MYT1: variants seen among roughly 807,000 people sequenced by gnomAD.
The protein encoded by MYT1 is myelin transcription factor 1.
In MYT1, 23 loss-of-function variants were observed where a neutral mutation model predicts 123.0. The ratio of observed to expected loss-of-function variants is 0.19; its 90% CI spans 0.13 to 0.26. The LOEUF (loss-of-function observed/expected upper bound fraction) is 0.26, where lower values mean the gene tolerates loss of function less well. Among genes scored for constraint, MYT1 ranks in the 10% least tolerant of loss-of-function variants. The probability of loss-of-function intolerance (pLI) is 1.00; values close to 1 mark genes in which losing one functional copy is unlikely to be tolerated. For synonymous variants in MYT1, 518 were observed against 575.3 expected (o/e 0.90, Z 1.43); for missense variants, 1,125 against 1,472.5 (o/e 0.76, Z 3.86).
chr20:64,172,420 T>TCCCTTC (rs1226142981), intron 1 of MYT1, among the ~76,000 whole-genome samples: 1 of 152,190 alleles, frequency 6.6e-6, no homozygotes, highest in African/African-American at 2.4e-5. Flanking sequence ...CTCTCCCTTC[T>TCCCTTC]GAACTGGGGA....
intron 1 of MYT1, among the ~76,000 whole-genome samples, chr20:64,165,382 G>A (rs865790967): frequency 6.6e-6 from 1 of 152,170 alleles, no homozygotes; most frequent in African/African-American, 2.4e-5. Context: ...GCTGTGGAGT[G>A]TGGTTGTTTA....
At chr20:64,170,807 G>A (rs574114467) in intron 1 of MYT1, among the ~76,000 whole-genome samples, 24 of 139,992 alleles carry the variant, frequency 1.7e-4, no homozygotes, top group African/African-American at 6.4e-4. Flanking sequence ...TTGGCTGTGA[G>A]GCATTCATTC....
intron 6 of MYT1, 41 bp downstream of exon 6, chr20:64,205,841 G>A (rs1983476676): frequency 6.2e-7 from 1 of 1,602,886 alleles, no homozygotes; most frequent in Non-Finnish European, 8.5e-7. Flanking sequence ...AGGGCGCTTA[G>A]TGTGGCCCTG....
chr20:64,234,525 G>C (rs908235958), intron 19 of MYT1, among the ~76,000 whole-genome samples: 4 of 152,242 alleles, frequency 2.6e-5, no homozygotes, highest in Non-Finnish European at 5.9e-5. Context: ...TTTGGCCATA[G>C]GGAGGCCCTC....
intron 1 of MYT1, among the ~76,000 whole-genome samples, chr20:64,170,656 T>A (rs1569303669): frequency 6.7e-6 from 1 of 149,878 alleles, no homozygotes; most frequent in Non-Finnish European, 1.5e-5. Context: ...CTTACAGTCA[T>A]TTTTTTTTAA....
intron 19 of MYT1, 25 bp from the exon 20 acceptor site, chr20:64,236,530 A>T: frequency 6.2e-7 from 1 of 1,601,914 alleles, no homozygotes; most frequent in Non-Finnish European, 8.5e-7. Flanking sequence ...TGGGCTGGTG[A>T]ATGATATGTG....
Position 64,190,389 on chromosome 20 carries a change from C to A in MYT1, c.-1+229C>A, listed in dbSNP as rs577178400. On this transcript the variant is annotated intron_variant, in intron 2 of 22. Coordinates refer to ENST00000328439, the MANE Select transcript of MYT1 (RefSeq NM_004535.3). The surrounding 1 kb of genome is among the most constrained non-coding windows in gnomAD (Gnocchi z 4.1). ...AGTAGATCAAAACTAAAATGTGACC[C>A]CAGGCTGGGCCCGGTGGCTCACACC... Among the ~76,000 whole-genome samples, 1 of 152,308 alleles carries A rather than the reference C, an allele frequency of 6.6e-6. No individual in the cohort carries two copies. Among genetic ancestry groups the A allele is most frequent in the South Asian group, 2.1e-4 (1 of 4,818 alleles).
In MYT1 at chr20:64,167,254, C is replaced by G. The variant is rs941663952; in HGVS notation, c.-99+2515C>G. Among the ~76,000 whole-genome samples, 1 of 152,178 alleles carries G rather than the reference C, an allele frequency of 6.6e-6. No homozygotes were observed. Among genetic ancestry groups the G allele is most frequent in the African/African-American group, 2.4e-5 (1 of 41,440 alleles). On this transcript the variant is annotated intron_variant, in intron 1 of 22. Transcript: ENST00000328439. The surrounding 1 kb of genome is among the most constrained non-coding windows in gnomAD (Gnocchi z 6.3). ...CAGAGAGAAACCCGGGGCCTCCAGC[C>G]GCTGCTCGGTGGCAGTGGGCGGGCT...
At chr20:64,188,227 T>G (rs1361871053) in intron 1 of MYT1, among the ~76,000 whole-genome samples, 1 of 152,192 alleles carries the variant, frequency 6.6e-6, no homozygotes, top group Non-Finnish European at 1.5e-5. Context: ...TCCACATGAC[T>G]TCTCTGAGAA....
intron 1 of MYT1, among the ~76,000 whole-genome samples, chr20:64,169,534 TCC>T (rs952683415): frequency 2.1e-4 from 32 of 152,258 alleles, no homozygotes; most frequent in African/African-American, 6.5e-4. Context: ...GCTCTGAGTT[TCC>T]CAGGATAACT....
intron 19 of MYT1, among the ~76,000 whole-genome samples, chr20:64,235,729 T>G (rs1165734033): frequency 6.8e-3 from 308 of 44,990 alleles, no homozygotes; most frequent in Middle Eastern, 0.018. Context: ...GGGTGACCCT[T>G]GGCTGGCTGT....
In MYT1 at chr20:64,208,803, G is replaced by A. The variant is rs1983579031; in HGVS notation, c.1291+316G>A. On this transcript the variant is annotated intron_variant, in intron 7 of 22. Transcript: ENST00000328439. The surrounding 1 kb of genome is among the most constrained non-coding windows in gnomAD (Gnocchi z 5.4). The stretch of plus-strand genomic sequence containing the variant: ...CAGCATCTGGGGTCTGGAGAGGGTG[G>A]GGACCGTCCTGTCCCTTCCACCCCA... 6.6e-6 allele frequency among the ~76,000 whole-genome samples: 1 copy of A among 152,184 alleles called. No homozygotes were observed. The highest frequency in any genetic ancestry group is 2.1e-4 in the South Asian group (1 of 4,828).
At chr20:64,204,246 T>C (rs1393814814) in intron 4 of MYT1, among the ~76,000 whole-genome samples, 3 of 152,232 alleles carry the variant, frequency 2.0e-5, no homozygotes, top group African/African-American at 7.2e-5. Flanking sequence ...TTTCCAGAGC[T>C]TCCTGCTGGT....
intron 1 of MYT1, among the ~76,000 whole-genome samples, chr20:64,169,218 A>G (rs1029012606): frequency 2.0e-5 from 3 of 152,086 alleles, no homozygotes; most frequent in African/African-American, 7.2e-5. Context: ...ATGGTGCACC[A>G]AGGCCTGCTT....
chr20:64,196,381 A>G lies in MYT1; in HGVS notation c.1-2481A>G, dbSNP rs1404858657. ...CACATCGTGGTGCCGATCTTGCGGC[A>G]GGAGGAGAGCAGAGAACTCACCTCT... On this transcript the variant is annotated intron_variant, in intron 2 of 22. Transcript: ENST00000328439. This position sits in a 1 kb window ranked among gnomAD's most constrained non-coding sequence, Gnocchi z 4.3. 6.6e-6 allele frequency among the ~76,000 whole-genome samples: 1 copy of G among 152,226 alleles called. No homozygotes were observed.
At chr20:64,236,285 T>G in intron 19 of MYT1, among the ~76,000 whole-genome samples, 1 of 145,680 alleles carries the variant, frequency 6.9e-6, no homozygotes, top group South Asian at 2.2e-4. Flanking sequence ...GACCCGGGGC[T>G]GGCCGCGGTG....
chr20:64,220,984 G>C (rs981511971), intron 13 of MYT1, among the ~76,000 whole-genome samples: 2 of 152,244 alleles, frequency 1.3e-5, no homozygotes, highest in South Asian at 4.1e-4. Context: ...CTTCCTTACC[G>C]GCCCTCACAC....
chr20:64,225,064 G>A (rs1984128840), intron 16 of MYT1, among the ~76,000 whole-genome samples: 1 of 152,194 alleles, frequency 6.6e-6, no homozygotes, highest in South Asian at 2.1e-4. Context: ...CATCAGCAGG[G>A]TTTGGGCAGG....
At chr20:64,200,994 G>A (rs188813464) in intron 4 of MYT1, among the ~76,000 whole-genome samples, 10 of 152,318 alleles carry the variant, frequency 6.6e-5, no homozygotes, top group South Asian at 4.1e-4. Flanking sequence ...CGGTGATTGC[G>A]ACGGCGAGAG....
Sources: gnomAD v4.1 joint callset for allele counts (sites outside exome capture counted in the v4.1 genomes callset) on GRCh38, gnomAD v4.1.1 for gene constraint, Gnocchi (gnomAD v3.1) non-coding constraint, MANE v1.5 for transcripts, NCBI Gene and HGNC (gene_info 2026-07-23, HGNC 2026-07-21) for gene names.